Variants in ELOVL6 observed in about 807,000 individuals in gnomAD.
ELOVL6 encodes the protein very long chain fatty acid elongase 6.
Under a neutral mutation model 31.7 loss-of-function variants are expected in ELOVL6, and 8 were observed. That is an observed-to-expected ratio of 0.25 (90% CI 0.15 to 0.45). The LOEUF (loss-of-function observed/expected upper bound fraction) is 0.45. Among genes scored for constraint, ELOVL6 ranks in the 20% least tolerant of loss-of-function variants. The pLI, the probability that ELOVL6 is intolerant of heterozygous loss-of-function variation, is 1.00. For missense variants in ELOVL6, 126 were observed against 326.4 expected (o/e 0.39, Z 4.73); for synonymous variants, 101 against 117.7 (o/e 0.86, Z 0.92).
chr4:110,135,028 ATG>A (rs1757776712), intron 1 of ELOVL6, among the ~76,000 whole-genome samples: 1 of 152,170 alleles, frequency 6.6e-6, no homozygotes, highest in Non-Finnish European at 1.5e-5. Context: ...CAGGCTAAAA[ATG>A]TGAGTACTTT....
intron 1 of ELOVL6, among the ~76,000 whole-genome samples, chr4:110,109,962 A>G (rs1003706585): frequency 1.3e-5 from 2 of 152,228 alleles, no homozygotes; most frequent in Non-Finnish European, 2.9e-5. Flanking sequence ...AGTGAGGGGA[A>G]AAAATGAAAA....
At chr4:110,084,211 C>CATATAACTTATATGATAT (rs1434755519) in intron 2 of ELOVL6, among the ~76,000 whole-genome samples, 2 of 56,944 alleles carry the variant, frequency 3.5e-5, no homozygotes, top group Non-Finnish European at 5.7e-5. Context: ...ATATATATAA[C>CATATAACTTATATGATAT]ATATAACTTA....
At chr4:110,150,810 A>G (rs1758256602) in intron 1 of ELOVL6, among the ~76,000 whole-genome samples, 1 of 152,140 alleles carries the variant, frequency 6.6e-6, no homozygotes. Flanking sequence ...TGGGAAGCCG[A>G]GGTGGACGGA....
chr4:110,125,770 T>C (rs1757473586), intron 1 of ELOVL6, among the ~76,000 whole-genome samples: 1 of 150,630 alleles, frequency 6.6e-6, no homozygotes, highest in South Asian at 2.1e-4. Flanking sequence ...GAGGTTGAAG[T>C]GAGCCAAGAT....
chr4:110,181,993 A>T (rs1205468871), intron 1 of ELOVL6, among the ~76,000 whole-genome samples: 1 of 152,080 alleles, frequency 6.6e-6, no homozygotes, highest in Non-Finnish European at 1.5e-5. Flanking sequence ...TTAACCACGT[A>T]CTCCAGGTAC....
chr4:110,133,881 T>C (rs1460007907), intron 1 of ELOVL6, among the ~76,000 whole-genome samples: 1 of 152,200 alleles, frequency 6.6e-6, no homozygotes, highest in Admixed American at 6.6e-5. Context: ...AAATGTAACA[T>C]CTAAACATCC....
intron 1 of ELOVL6, among the ~76,000 whole-genome samples, chr4:110,169,984 T>C (rs1758896297): frequency 6.6e-6 from 1 of 151,086 alleles, no homozygotes; most frequent in African/African-American, 2.5e-5. Flanking sequence ...TTTGTATTTT[T>C]AGTAGAGATG....
At chr4:110,087,373 C>CA (rs1756296747) in intron 2 of ELOVL6, among the ~76,000 whole-genome samples, 1 of 152,172 alleles carries the variant, frequency 6.6e-6, no homozygotes, top group Admixed American at 6.5e-5. Context: ...TCAAAGCTAA[C>CA]AAGTCACTTC....
intron 1 of ELOVL6, among the ~76,000 whole-genome samples, chr4:110,147,477 C>G (rs535982119): frequency 6.6e-6 from 1 of 152,180 alleles, no homozygotes; most frequent in Non-Finnish European, 1.5e-5. Context: ...AAATAATTAA[C>G]AGAGTGAACA....
At chr4:110,166,381 G>C (rs1758773540) in intron 1 of ELOVL6, among the ~76,000 whole-genome samples, 2 of 152,134 alleles carry the variant, frequency 1.3e-5, no homozygotes, top group Non-Finnish European at 2.9e-5. Flanking sequence ...GGGAGGCCAA[G>C]GCAGGTGGAT....
chr4:110,094,682 G>C (rs113786685), intron 2 of ELOVL6, among the ~76,000 whole-genome samples: 211 of 151,424 alleles, frequency 1.4e-3, no homozygotes, highest in African/African-American at 5.0e-3. Context: ...AGGCTGTGTA[G>C]GGCTTTGTAG....
chr4:110,171,227 T>C (rs774797583), intron 1 of ELOVL6, among the ~76,000 whole-genome samples: 12 of 152,038 alleles, frequency 7.9e-5, no homozygotes, highest in Non-Finnish European at 1.8e-4. Flanking sequence ...CTGACCAACA[T>C]GGTGAAACCC....
chr4:110,143,659 T>C (rs1401833279), intron 1 of ELOVL6, among the ~76,000 whole-genome samples: 2 of 152,186 alleles, frequency 1.3e-5, no homozygotes, highest in Non-Finnish European at 2.9e-5. Context: ...CCCAGGCAAT[T>C]TGGATGCACA....
At chr4:110,186,027 T>TA (rs1164390673) in intron 1 of ELOVL6, among the ~76,000 whole-genome samples, 1 of 151,896 alleles carries the variant, frequency 6.6e-6, no homozygotes, top group Non-Finnish European at 1.5e-5. Flanking sequence ...CTGTATCTAC[T>TA]AAAAATAGAA....
chr4:110,085,334 C>G (rs1341695164), intron 2 of ELOVL6, among the ~76,000 whole-genome samples: 1 of 152,210 alleles, frequency 6.6e-6, no homozygotes. Flanking sequence ...ACAACTTCCT[C>G]AAGTGAGAGG....
chr4:110,058,746 A>G (rs1196182558), intron 3 of ELOVL6, among the ~76,000 whole-genome samples: 1 of 152,144 alleles, frequency 6.6e-6, no homozygotes, highest in Non-Finnish European at 1.5e-5. Context: ...ATATCTTTTG[A>G]ACTAAATATG....
chr4:110,103,860 G>T (rs1479193309), intron 2 of ELOVL6, among the ~76,000 whole-genome samples: 3 of 152,134 alleles, frequency 2.0e-5, no homozygotes, highest in Admixed American at 6.6e-5. Context: ...GAAGAAATTT[G>T]AAATTTAATA....
chr4:110,056,123 G>GGT (rs140558623), intron 3 of ELOVL6, among the ~76,000 whole-genome samples: 1 of 60,464 alleles, frequency 1.7e-5, no homozygotes. Context: ...TGTGGGAGCT[G>GGT]GGGGGGGGGA....
intron 1 of ELOVL6, among the ~76,000 whole-genome samples, chr4:110,184,076 C>T (rs1759374013): frequency 1.3e-5 from 2 of 151,942 alleles, no homozygotes; most frequent in South Asian, 4.2e-4. Flanking sequence ...ACTAATAATC[C>T]CCAACAGTTA....
Sources: gnomAD v4.1 joint callset for allele counts (sites outside exome capture counted in the v4.1 genomes callset) on GRCh38, gnomAD v4.1.1 for gene constraint, MANE v1.5 for transcripts, NCBI Gene and HGNC (gene_info 2026-07-23, HGNC 2026-07-21) for gene names.